The following GRIN2B variants were observed in gnomAD, a reference collection of about 807,000 sequenced individuals.
The protein encoded by GRIN2B is glutamate receptor ionotropic, NMDA 2B.
Under a neutral mutation model 114.5 loss-of-function variants are expected in GRIN2B, and 5 were observed. That is an observed-to-expected ratio of 0.04 (90% CI 0.02 to 0.09). The LOEUF is 0.09. GRIN2B is among the 10% of genes least tolerant of loss of function. The pLI, the probability that GRIN2B is intolerant of heterozygous loss-of-function variation, is 1.00. For synonymous variants in GRIN2B, 787 were observed against 745.1 expected (o/e 1.06, Z -0.92); for missense variants, 1,108 against 1,943.5 (o/e 0.57, Z 8.08).
At chr12:13,851,491 T>C (rs1201981654) in intron 3 of GRIN2B, among the ~76,000 whole-genome samples, 1 of 152,186 alleles carries the variant, frequency 6.6e-6, no homozygotes, top group Non-Finnish European at 1.5e-5. Flanking sequence ...TACTCACCAG[T>C]GGTTCTCAAA....
intron 2 of GRIN2B, among the ~76,000 whole-genome samples, chr12:13,939,103 A>G (rs1354450684): frequency 1.3e-5 from 2 of 152,292 alleles, no homozygotes; most frequent in African/African-American, 2.4e-5. Flanking sequence ...ACCATCCAAT[A>G]TCATTATTAT....
intron 3 of GRIN2B, among the ~76,000 whole-genome samples, 168 bp from the exon 4 acceptor site, chr12:13,754,083 C>A (rs1027990942): frequency 6.6e-6 from 1 of 152,154 alleles, no homozygotes; most frequent in East Asian, 1.9e-4. Context: ...ATTTAAATTG[C>A]AGATATTTGT....
chr12:13,648,243 G>T (rs908330338), intron 5 of GRIN2B, among the ~76,000 whole-genome samples: 4 of 152,044 alleles, frequency 2.6e-5, no homozygotes, highest in Non-Finnish European at 5.9e-5. Context: ...TCAACGGACA[G>T]TTGAGAACTT....
chr12:13,695,207 G>A (rs1950249571), intron 4 of GRIN2B, among the ~76,000 whole-genome samples: 1 of 152,110 alleles, frequency 6.6e-6, no homozygotes. Flanking sequence ...AAAACAGACA[G>A]GATAGGAAAC....
chr12:13,597,327 G>A (rs1949087036), intron 10 of GRIN2B, among the ~76,000 whole-genome samples: 1 of 152,128 alleles, frequency 6.6e-6, no homozygotes, highest in Non-Finnish European at 1.5e-5. Context: ...TGGGGGCAGG[G>A]AACCTAAAGC....
intron 2 of GRIN2B, among the ~76,000 whole-genome samples, chr12:13,898,394 C>G (rs562691227): frequency 4.3e-4 from 65 of 152,300 alleles, no homozygotes; most frequent in African/African-American, 1.5e-3. Flanking sequence ...AGCCAAAGAC[C>G]ACACAACTAA....
At chr12:13,689,537 A>G (rs982287610) in intron 4 of GRIN2B, among the ~76,000 whole-genome samples, 3 of 152,126 alleles carry the variant, frequency 2.0e-5, no homozygotes, top group Non-Finnish European at 4.4e-5. Context: ...ACCCTAGACC[A>G]GGCATATATC....
chr12:13,808,301 T>C (rs1864649858), intron 3 of GRIN2B, among the ~76,000 whole-genome samples: 1 of 152,072 alleles, frequency 6.6e-6, no homozygotes, highest in African/African-American at 2.4e-5. Flanking sequence ...CAGAGTTAAG[T>C]AGGACCTGAT....
chr12:13,708,906 A>G (rs1950388721), intron 4 of GRIN2B, among the ~76,000 whole-genome samples: 7 of 152,110 alleles, frequency 4.6e-5, no homozygotes, highest in Admixed American at 4.6e-4. Context: ...CATAGAACAA[A>G]GATCCTTGCC....
intron 2 of GRIN2B, among the ~76,000 whole-genome samples, chr12:13,885,578 TC>T (rs1402098143): frequency 6.6e-6 from 1 of 152,150 alleles, no homozygotes; most frequent in African/African-American, 2.4e-5. Flanking sequence ...ATAATCCAAA[TC>T]CTGGTCCCTC....
At chr12:13,900,213 C>T (rs759644413) in intron 2 of GRIN2B, among the ~76,000 whole-genome samples, 2 of 152,112 alleles carry the variant, frequency 1.3e-5, no homozygotes, top group Non-Finnish European at 2.9e-5. Flanking sequence ...GTGGCTCATG[C>T]CTGTAATCCC....
intron 3 of GRIN2B, among the ~76,000 whole-genome samples, chr12:13,796,081 T>TC (rs1306324102): frequency 1.5e-4 from 4 of 25,822 alleles, no homozygotes; most frequent in Admixed American, 5.7e-4. Flanking sequence ...TAAAGTATAA[T>TC]TAAAAAAAAA....
chr12:13,606,798 A>T (rs1949255506), intron 10 of GRIN2B, among the ~76,000 whole-genome samples: 1 of 152,136 alleles, frequency 6.6e-6, no homozygotes, highest in African/African-American at 2.4e-5. Flanking sequence ...AGGAACAATA[A>T]GAGAGGGGTT....
intron 4 of GRIN2B, among the ~76,000 whole-genome samples, chr12:13,717,889 G>T (rs1035820484): frequency 6.6e-6 from 1 of 151,954 alleles, no homozygotes; most frequent in Non-Finnish European, 1.5e-5. Flanking sequence ...CTTAGAACAA[G>T]AAAAGGAAAA....
chr12:13,860,064 T>C (rs1411212989), intron 3 of GRIN2B, among the ~76,000 whole-genome samples: 1 of 152,178 alleles, frequency 6.6e-6, no homozygotes, highest in African/African-American at 2.4e-5. Flanking sequence ...TTCAAGATTA[T>C]GTTGGATATG....
intron 3 of GRIN2B, among the ~76,000 whole-genome samples, chr12:13,799,728 G>GGAC (rs1457626964): frequency 6.6e-6 from 1 of 152,050 alleles, no homozygotes; most frequent in African/African-American, 2.4e-5. Flanking sequence ...CAGGGAAGGA[G>GGAC]GACTGGGGGT....
intron 2 of GRIN2B, among the ~76,000 whole-genome samples, chr12:13,919,780 G>A (rs1208916493): frequency 6.6e-6 from 1 of 152,094 alleles, no homozygotes; most frequent in African/African-American, 2.4e-5. Flanking sequence ...AGGGTCCATG[G>A]CCCTCCATTC....
chr12:13,699,003 A>G (rs1338051046), intron 4 of GRIN2B, among the ~76,000 whole-genome samples: 1 of 152,164 alleles, frequency 6.6e-6, no homozygotes, highest in Non-Finnish European at 1.5e-5. Flanking sequence ...TATTATTATA[A>G]CATGTAGAAA....
Position 13,938,277 on chromosome 12 carries a change from T to C in GRIN2B, c.-19+41651A>G, listed in dbSNP as rs142279324. Reference sequence around the variant, plus strand: ...CAACTCTCCACTTAAAGGGCAGAGATTGTCATGCTGAAAAAAAAGCAAGAC... The same window carrying C: ...CAACTCTCCACTTAAAGGGCAGAGACTGTCATGCTGAAAAAAAAGCAAGAC... On this transcript the variant is annotated intron_variant, in intron 2 of 13. Transcript: ENST00000609686. Among the ~76,000 whole-genome samples, 419 of 152,132 alleles carry C rather than the reference T, an allele frequency of 2.8e-3. 3 individuals carry two copies. Among genetic ancestry groups the C allele is most frequent in the African/African-American group, 9.9e-3 (411 of 41,512 alleles).
Sources: allele counts gnomAD v4.1 joint callset (sites outside exome capture counted in the v4.1 genomes callset), GRCh38; gene constraint gnomAD v4.1.1; transcripts MANE v1.5; gene names NCBI Gene and HGNC (gene_info 2026-07-23, HGNC 2026-07-21).